ZFAT: variants seen among roughly 807,000 people sequenced by gnomAD.
ZFAT encodes zinc finger protein ZFAT.
A neutral mutation model predicts 117.7 loss-of-function variants in ZFAT; 64 were observed. That is an observed-to-expected ratio of 0.54 (90% CI 0.44 to 0.67). The LOEUF (loss-of-function observed/expected upper bound fraction) is 0.67, where lower values mean the gene tolerates loss of function less well. Ranked by LOEUF, ZFAT falls within the 30% of genes least tolerant of loss-of-function variation. ZFAT has a pLI of 0.00. For missense variants in ZFAT, 1,433 were observed against 1,584.5 expected, an observed-to-expected ratio of 0.90 and a Z score of 1.62; for synonymous variants, 679 against 615.0, an observed-to-expected ratio of 1.10 and a Z score of -1.54.
intron 15 of ZFAT, among the ~76,000 whole-genome samples, chr8:134,486,680 T>C (rs1817676910): frequency 6.6e-6 from 1 of 152,070 alleles, no homozygotes; most frequent in Admixed American, 6.5e-5. Flanking sequence ...CCTTCCGTGT[T>C]TCAGGGGAGG....
chr8:134,745,005 A>G, the ZFAT span, among the ~76,000 whole-genome samples: 1 of 149,566 alleles, frequency 6.7e-6, no homozygotes, highest in African/African-American at 2.5e-5. Context: ...CTGGAATTAC[A>G]GGCGTAGCCA....
chr8:134,575,596 AG>A (rs1469516835), intron 10 of ZFAT, among the ~76,000 whole-genome samples: 2 of 152,190 alleles, frequency 1.3e-5, no homozygotes, highest in Non-Finnish European at 2.9e-5. Flanking sequence ...AATTTGTTAC[AG>A]GAGTCACGGG....
chr8:134,714,928 A>G (rs1198395766), upstream of ZFAT, among the ~76,000 whole-genome samples: 2 of 152,206 alleles, frequency 1.3e-5, no homozygotes, highest in African/African-American at 2.4e-5. Context: ...GTCCTCCACC[A>G]CAAGATACAT....
At chr8:134,803,142 A>G in the ZFAT span, among the ~76,000 whole-genome samples, 1 of 152,358 alleles carries the variant, frequency 6.6e-6, no homozygotes, top group Non-Finnish European at 1.5e-5. Context: ...AGAGTATAAC[A>G]GCTTTATTAT....
At position 134,618,973 on chromosome 8, in the gene ZFAT, C is replaced by T. The variant is rs150658369; in HGVS notation, c.449-8318G>A. ...TAATAAATAACTAAACCACACAGCACGTTAGAAGGTAATCATTTTACCTGA... is the reference window on the plus strand; with the variant it reads ...TAATAAATAACTAAACCACACAGCATGTTAGAAGGTAATCATTTTACCTGA... On this transcript the variant is annotated intron_variant, in intron 3 of 15. Coordinates refer to ENST00000377838, the MANE Select transcript of ZFAT (RefSeq NM_020863.4). 1.3e-4 allele frequency among the ~76,000 whole-genome samples: 20 copies of T among 152,248 alleles called. No homozygotes were observed. The East Asian group carries it at 2.3e-3, about 18-fold the overall frequency.
the ZFAT span, among the ~76,000 whole-genome samples, chr8:134,731,729 C>A: frequency 2.0e-5 from 3 of 152,162 alleles, no homozygotes; most frequent in African/African-American, 7.2e-5. Context: ...GAAATAGGGG[C>A]AGGGCAGTTA....
chr8:134,729,523 TG>T, the ZFAT span, among the ~76,000 whole-genome samples: 1 of 152,066 alleles, frequency 6.6e-6, no homozygotes, highest in Non-Finnish European at 1.5e-5. Context: ...TTAGTAGAGA[TG>T]GGGTTTCACC....
the ZFAT span, among the ~76,000 whole-genome samples, chr8:134,801,465 T>C: frequency 3.9e-5 from 6 of 152,190 alleles, no homozygotes; most frequent in African/African-American, 1.4e-4. Context: ...TTAAAAATCT[T>C]TGGCATTTCA....
Position 134,583,874 on chromosome 8 carries a change from T to G in ZFAT, c.2845A>C (p.Lys949Gln). Residue 949 changes from lysine to glutamine, a missense_variant, in exon 10 of 16, where the codon AAA (lysine) becomes CAA (glutamine). By Grantham distance (53) the Lys-to-Gln change is moderately conservative. Transcript: ENST00000377838. ...CDMCGKKFKS[K>Q]GTLKSHKLLH... The stretch of plus-strand genomic sequence containing the variant: ...AGTTTGTGACTTTTCAGTGTCCCTT[T>G]TGATTTGAATTTCTTGCCACACATG... 1 of 1,613,268 alleles carries G rather than the reference T, an allele frequency of 6.2e-7. No homozygotes were observed. Among genetic ancestry groups the G allele is most frequent in the Non-Finnish European group, 8.5e-7 (1 of 1,179,674 alleles).
the ZFAT span, among the ~76,000 whole-genome samples, chr8:134,781,762 C>T: frequency 1.4e-4 from 22 of 152,150 alleles, no homozygotes; most frequent in African/African-American, 3.9e-4. Context: ...CTCTTCCTCC[C>T]CCTCCTCAGC....
the ZFAT span, among the ~76,000 whole-genome samples, chr8:134,728,236 A>T: frequency 2.0e-5 from 3 of 152,060 alleles, no homozygotes; most frequent in Non-Finnish European, 4.4e-5. Flanking sequence ...GCCTTCCATG[A>T]TCACAGGGAG....
chr8:134,512,297 AT>A (rs1279933775), intron 14 of ZFAT, among the ~76,000 whole-genome samples, 177 bp downstream of exon 14: 1 of 152,188 alleles, frequency 6.6e-6, no homozygotes, highest in Non-Finnish European at 1.5e-5. Context: ...GTTCTAGAGC[AT>A]TTCTGGAGGC....
At chr8:134,705,619 C>T (rs1442557829) in intron 1 of ZFAT, among the ~76,000 whole-genome samples, 1 of 152,014 alleles carries the variant, frequency 6.6e-6, no homozygotes, top group Non-Finnish European at 1.5e-5. Flanking sequence ...AACCTCTACT[C>T]CCAGGTTCAA....
At chr8:134,705,837 C>T (rs1371912030) in intron 1 of ZFAT, among the ~76,000 whole-genome samples, 1 of 152,104 alleles carries the variant, frequency 6.6e-6, no homozygotes, top group Non-Finnish European at 1.5e-5. Context: ...CCACCCAGCC[C>T]CCAATTTATT....
chr8:134,616,457 G>A (rs567420675), intron 3 of ZFAT, among the ~76,000 whole-genome samples: 6 of 152,052 alleles, frequency 3.9e-5, no homozygotes, highest in African/African-American at 4.8e-5. Flanking sequence ...GAAATGCCTC[G>A]AGGACCCGAC....
At chr8:134,684,357 G>A (rs1276070911) in intron 1 of ZFAT, among the ~76,000 whole-genome samples, 2 of 152,188 alleles carry the variant, frequency 1.3e-5, no homozygotes. Context: ...ACTTACATGG[G>A]TGTTAGAAAT....
At chr8:134,510,132 C>T (rs753466608) in intron 14 of ZFAT, 2 of 458,866 alleles carry the variant, frequency 4.4e-6, no homozygotes, top group South Asian at 3.1e-5. Context: ...CCCAGCAAGC[C>T]CGTTCAGCCG....
At chr8:134,639,071 C>A (rs1830434675) in intron 2 of ZFAT, among the ~76,000 whole-genome samples, 1 of 152,214 alleles carries the variant, frequency 6.6e-6, no homozygotes. Context: ...ACACCAGCCA[C>A]TTTATCTACT....
At chr8:134,823,225 T>C in the ZFAT span, among the ~76,000 whole-genome samples, 1 of 152,148 alleles carries the variant, frequency 6.6e-6, no homozygotes, top group African/African-American at 2.4e-5. Flanking sequence ...TCAGTAGAGA[T>C]AGCAGTTTTG....
Sources: gnomAD v4.1 joint callset for allele counts (sites outside exome capture counted in the v4.1 genomes callset) on GRCh38, gnomAD v4.1.1 for gene constraint, MANE v1.5 for transcripts, NCBI Gene and HGNC (gene_info 2026-07-23, HGNC 2026-07-21) for gene names.